SLC12A8: variants seen among roughly 807,000 people sequenced by gnomAD.
The protein encoded by SLC12A8 is solute carrier family 12 member 8, also known as cation-chloride cotransporter 9.
SLC12A8 carries 69 observed loss-of-function variants against 75.6 expected under a neutral mutation model. The ratio of observed to expected loss-of-function variants is 0.91; its 90% confidence interval spans 0.75 to 1.11. The LOEUF (loss-of-function observed/expected upper bound fraction) is 1.11, where lower values mean the gene tolerates loss of function less well. Among genes scored for constraint, SLC12A8 ranks in the 50% most tolerant of loss-of-function variants. The pLI is 0.00. For missense variants in SLC12A8, 877 were observed against 896.7 expected, an observed-to-expected ratio of 0.98 and a Z score of 0.28; for synonymous variants, 365 against 372.8, an observed-to-expected ratio of 0.98 and a Z score of 0.24.
intron 5 of SLC12A8, among the ~76,000 whole-genome samples, chr3:125,154,563 G>C (rs1164066903): frequency 6.6e-6 from 1 of 152,090 alleles, no homozygotes; most frequent in East Asian, 1.9e-4. Flanking sequence ...AGCTATTACA[G>C]TATCCCCCCT....
At chr3:125,152,395 G>T (rs759008616) in intron 5 of SLC12A8, among the ~76,000 whole-genome samples, 29 of 152,228 alleles carry the variant, frequency 1.9e-4, no homozygotes, top group Admixed American at 3.3e-4. Context: ...CAGATTTACT[G>T]TTTGAATTTG....
intron 5 of SLC12A8, among the ~76,000 whole-genome samples, chr3:125,144,872 A>T (rs1933734094): frequency 6.6e-6 from 1 of 152,048 alleles, no homozygotes. Flanking sequence ...GGCAGTCAGT[A>T]TCAACACACC....
chr3:125,103,375 C>T (rs1312661467), intron 10 of SLC12A8, among the ~76,000 whole-genome samples: 1 of 151,724 alleles, frequency 6.6e-6, no homozygotes, highest in East Asian at 1.9e-4. Flanking sequence ...TAGCCCACTC[C>T]TCCTTATTCT....
intron 6 of SLC12A8, among the ~76,000 whole-genome samples, chr3:125,129,286 G>A (rs1256522723): frequency 6.6e-6 from 1 of 152,204 alleles, no homozygotes; most frequent in South Asian, 2.1e-4. Flanking sequence ...CATCCACATG[G>A]TATGTGTGAA....
chr3:125,129,491 G>A (rs1933300211), intron 6 of SLC12A8, among the ~76,000 whole-genome samples: 1 of 148,094 alleles, frequency 6.8e-6, no homozygotes, highest in African/African-American at 2.5e-5. Context: ...CAGGGGGACA[G>A]CTTCCTAAAT....
chr3:125,113,276 T>C (rs1011962007), intron 8 of SLC12A8, among the ~76,000 whole-genome samples: 2 of 152,206 alleles, frequency 1.3e-5, no homozygotes, highest in African/African-American at 4.8e-5. Flanking sequence ...TAGCAACCTA[T>C]GTCCAGTTTG....
chr3:125,099,941 G>A (rs1302126260), intron 10 of SLC12A8, among the ~76,000 whole-genome samples: 1 of 152,116 alleles, frequency 6.6e-6, no homozygotes, highest in Non-Finnish European at 1.5e-5. Context: ...AAAAGAGAGA[G>A]AGAGAAATAT....
chr3:125,177,179 C>A (rs1321057761), intron 5 of SLC12A8, among the ~76,000 whole-genome samples: 2 of 151,968 alleles, frequency 1.3e-5, no homozygotes, highest in Non-Finnish European at 2.9e-5. Context: ...TTTGTAGGGA[C>A]ATGGATGAAG....
At chr3:125,187,482 C>T (rs1391664179) in intron 3 of SLC12A8, 54 bp from the exon 4 acceptor site, 2 of 1,546,176 alleles carry the variant, frequency 1.3e-6, no homozygotes, top group African/African-American at 2.7e-5. Flanking sequence ...GCCCCGCCAG[C>T]TCCCTGCTGG....
At chr3:125,161,698 T>G (rs1326481040) in intron 5 of SLC12A8, among the ~76,000 whole-genome samples, 1 of 140,824 alleles carries the variant, frequency 7.1e-6, no homozygotes, top group Non-Finnish European at 1.6e-5. Flanking sequence ...AAAAAAAAAA[T>G]CTAAGGAACA....
At chr3:125,150,541 G>A (rs1245181494) in intron 5 of SLC12A8, among the ~76,000 whole-genome samples, 1 of 152,180 alleles carries the variant, frequency 6.6e-6, no homozygotes, top group African/African-American at 2.4e-5. Flanking sequence ...CAAAATTTGA[G>A]AGTATGGATC....
intron 5 of SLC12A8, 87 bp downstream of exon 5, chr3:125,177,656 G>A (rs1031359080): frequency 2.9e-6 from 3 of 1,032,752 alleles, no homozygotes; most frequent in Non-Finnish European, 2.9e-6. Flanking sequence ...GGGTTAGGGG[G>A]AGATGGGGTG....
In SLC12A8 at chr3:125,083,334, C is replaced by T. The variant is rs1023542303; in HGVS notation, c.*556G>A. On this transcript the variant is annotated 3_prime_UTR_variant, in exon 14 of 14. Transcript: ENST00000469902. ...CAGACTGGGTGTCGTGTTGCAGAGG[C>T]TAGCACCATTCCTGATGTCACCCTG... The T allele has an allele frequency of 1.3e-5, 2 of 156,904 alleles. No homozygotes were observed. Among genetic ancestry groups the T allele is most frequent in the African/African-American group, 4.8e-5 (2 of 41,440 alleles). The allele number at this position is 156,904 out of a possible 1,614,324, so 9.7% of individuals were successfully genotyped here. A position where few individuals can be genotyped will look rare whatever the true frequency, so the allele number is the denominator to read the frequency against.
At chr3:125,160,958 C>T (rs912899364) in intron 5 of SLC12A8, among the ~76,000 whole-genome samples, 11 of 152,118 alleles carry the variant, frequency 7.2e-5, no homozygotes, top group Non-Finnish European at 7.3e-5. Flanking sequence ...GCCCGGGTTC[C>T]GGGACTCTTA....
intron 5 of SLC12A8, among the ~76,000 whole-genome samples, chr3:125,143,198 A>G (rs938133165): frequency 2.0e-5 from 3 of 152,260 alleles, no homozygotes; most frequent in African/African-American, 7.2e-5. Flanking sequence ...AGATAGTATC[A>G]AGTCCCAATC....
chr3:125,169,343 T>A (rs572805642), intron 5 of SLC12A8, among the ~76,000 whole-genome samples: 1 of 152,158 alleles, frequency 6.6e-6, no homozygotes, highest in Admixed American at 6.5e-5. Context: ...GTGATGCTTG[T>A]TTTTGGAAGG....
intron 5 of SLC12A8, among the ~76,000 whole-genome samples, chr3:125,148,970 G>T (rs778101152): frequency 1.0e-5 from 1 of 97,876 alleles, no homozygotes; most frequent in African/African-American, 5.9e-5. Flanking sequence ...AACCAGCAGC[G>T]GGGGGGCACA....
At chr3:125,204,547 A>C (rs973872729) in intron 2 of SLC12A8, among the ~76,000 whole-genome samples, 2 of 152,196 alleles carry the variant, frequency 1.3e-5, no homozygotes, top group Non-Finnish European at 2.9e-5. Flanking sequence ...ATTGAGCTAA[A>C]TAGTAGAATG....
chr3:125,111,357 C>A (rs77411773), intron 8 of SLC12A8, among the ~76,000 whole-genome samples: 1,736 of 152,266 alleles, frequency 0.011, 38 homozygotes, highest in African/African-American at 0.039. Context: ...TAACTCAGGG[C>A]TAAAAGTGCT....
Sources: allele counts gnomAD v4.1 joint callset (sites outside exome capture counted in the v4.1 genomes callset), GRCh38; gene constraint gnomAD v4.1.1; transcripts MANE v1.5; gene names NCBI Gene and HGNC (gene_info 2026-07-23, HGNC 2026-07-21).